The following PHLDB1 variants were observed in gnomAD, a reference collection of about 807,000 sequenced individuals.
The protein encoded by PHLDB1 is pleckstrin homology-like domain family B member 1.
PHLDB1 carries 65 observed loss-of-function variants against 139.3 expected under a neutral mutation model. The ratio of observed to expected loss-of-function variants is 0.47; its 90% CI spans 0.38 to 0.57. The LOEUF (loss-of-function observed/expected upper bound fraction) is 0.57. Ranked by LOEUF, PHLDB1 falls within the 20% of genes least tolerant of loss-of-function variation. The pLI, the probability that PHLDB1 is intolerant of heterozygous loss-of-function variation, is 0.00. For synonymous variants in PHLDB1, 679 were observed against 734.5 expected, an observed-to-expected ratio of 0.92 and a Z score of 1.22; for missense variants, 1,624 against 1,839.7, an observed-to-expected ratio of 0.88 and a Z score of 2.14.
At chr11:118,627,102 C>G in intron 5 of PHLDB1, 1 of 588,962 alleles carries the variant, frequency 1.7e-6, no homozygotes, top group Non-Finnish European at 3.0e-6. Context: ...CCTTCCTTTA[C>G]AGAAGGAGAA....
intron 12 of PHLDB1, 32 bp from the exon 13 acceptor site, chr11:118,642,221 GT>G (rs782236236): frequency 9.4e-6 from 15 of 1,597,472 alleles, no homozygotes; most frequent in Non-Finnish European, 1.2e-5. Context: ...CTCCCCTCCT[GT>G]CCCCTTTTCC....
Position 118,645,194 on chromosome 11 carries a change from C to A in PHLDB1, c.3122-162C>A. 1.9e-6 allele frequency: 1 copy of A among 519,572 alleles called. No individual in the cohort carries two copies. Among genetic ancestry groups the A allele is most frequent in the Non-Finnish European group, 3.3e-6 (1 of 301,860 alleles). 32.2% of individuals were successfully genotyped at this position (519,572 alleles called of 1,614,324 possible). ...GCGACTGAAGCATTGGCAGAGCAGCCAGGCCTGGAGCTGCAGGGGCCTTAG... is the reference window on the plus strand; with the variant it reads ...GCGACTGAAGCATTGGCAGAGCAGCAAGGCCTGGAGCTGCAGGGGCCTTAG... On this transcript the variant is annotated intron_variant, in intron 15 of 22. Transcript: ENST00000600882. This position sits in a 1 kb window ranked among gnomAD's most constrained non-coding sequence, Gnocchi z 5.1.
At chr11:118,631,773 T>G in intron 7 of PHLDB1, 140 bp from the exon 8 acceptor site, 1 of 1,009,832 alleles carries the variant, frequency 9.9e-7, no homozygotes, top group Non-Finnish European at 1.4e-6. Context: ...AGGTGGGGGT[T>G]GCGGGGGGGC....
At chr11:118,612,212 G>A (rs111255098) in intron 1 of PHLDB1, among the ~76,000 whole-genome samples, 12 of 152,106 alleles carry the variant, frequency 7.9e-5, no homozygotes, top group African/African-American at 2.9e-4. Flanking sequence ...TAAATAACTT[G>A]TCTAGGATCT....
Position 118,643,948 on chromosome 11 carries a change from G to A in PHLDB1, c.3018+8G>A. The A allele has an allele frequency of 6.3e-7, 1 of 1,594,250 alleles. No individual in the cohort carries two copies. The highest frequency in any genetic ancestry group is 8.5e-7 in the Non-Finnish European group (1 of 1,170,220). On this transcript the variant is annotated splice_region_variant and intron_variant, in intron 14 of 22. Coordinates refer to ENST00000600882, the MANE Select transcript of PHLDB1 (RefSeq NM_001144758.3). ...CGTAGCCCCTCCCCAAAGGTCTGAG[G>A]ACAGTGGGTGGGGCTGCACATGTGG... is the stretch of plus-strand genomic sequence containing the variant.
intron 10 of PHLDB1, chr11:118,637,628 G>A (rs1014346671): frequency 2.0e-4 from 31 of 152,192 alleles, no homozygotes; most frequent in African/African-American, 7.2e-4. Context: ...TTACAGGCAT[G>A]AGCCACAGCG....
rs148430889 is a variant in PHLDB1, at chr11:118,638,443, A to G, written c.2536-448A>G. ...AATTCAGATAAGCAAACAAACCTCAAAGTCATCTTAGGAAGATATTTGTGA... is the reference window on the plus strand; with the variant it reads ...AATTCAGATAAGCAAACAAACCTCAGAGTCATCTTAGGAAGATATTTGTGA... On this transcript the variant is annotated intron_variant, in intron 10 of 22. Coordinates refer to ENST00000600882, the MANE Select transcript of PHLDB1 (RefSeq NM_001144758.3). Among the ~76,000 whole-genome samples, 115 of 152,378 alleles carry G rather than the reference A, an allele frequency of 7.5e-4. 1 individual carries two copies. In the East Asian group the frequency reaches 0.021, roughly 27 times the overall value.
chr11:118,642,446 T>G lies in PHLDB1; in HGVS notation c.2877+52T>G, dbSNP rs369695826. ...CCCCAGCCTTTGCACCTGTCCACTC[T>G]GATACCTCCTGCCAATCCATCAGCC... On this transcript the variant is annotated intron_variant, in intron 13 of 22. Coordinates refer to ENST00000600882, the MANE Select transcript of PHLDB1 (RefSeq NM_001144758.3). The G allele has an allele frequency of 2.6e-6, 4 of 1,565,708 alleles. No homozygotes were observed. The African/African-American group carries it at 5.4e-5, about 21-fold the overall frequency.
At chr11:118,613,417 T>C (rs1274096765) in intron 1 of PHLDB1, 6 of 992,778 alleles carry the variant, frequency 6.0e-6, no homozygotes, top group African/African-American at 1.7e-5. Context: ...ACCAGTGTCC[T>C]TGGAGGGGCT....
Position 118,650,071 on chromosome 11 carries a change from T to C in PHLDB1, c.3655-6T>C. 6.2e-7 allele frequency: 1 copy of C among 1,609,612 alleles called. No homozygotes were observed. The highest frequency in any genetic ancestry group is 1.7e-5 in the Admixed American group (1 of 60,012). On this transcript the variant is annotated splice_region_variant and splice_polypyrimidine_tract_variant and intron_variant, in intron 18 of 22. Coordinates refer to ENST00000600882, the MANE Select transcript of PHLDB1 (RefSeq NM_001144758.3). This position sits in a 1 kb window ranked among gnomAD's most constrained non-coding sequence, Gnocchi z 4.7. ...AGACTCTCCTGACCCTCCCTCTTGC[T>C]CCCAGGCACGACCCCTGACCCGCTA...
chr11:118,645,496 C>A lies in PHLDB1; in HGVS notation c.3262C>A (p.His1088Asn), dbSNP rs936035919. The A allele has an allele frequency of 9.9e-6, 16 of 1,612,216 alleles. No homozygotes were observed. The highest frequency in any genetic ancestry group is 1.3e-5 in the Non-Finnish European group (15 of 1,179,196). Residue 1088 changes from histidine (H) to asparagine (N), a missense_variant, in exon 16 of 23, where the codon CAC becomes AAC. By Grantham distance (68) the His-to-Asn change is moderately conservative. Transcript: ENST00000600882. The surrounding 1 kb of genome is among the most constrained non-coding windows in gnomAD (Gnocchi z 5.1). ...AGPSGFPPLM[H>N]HSILHHLPAG... ...CCCCTCGGGCTTCCCCCCTCTCATG[C>A]ACCACTCTATCCTACACCACCTGCC...
rs138358096 is a variant in PHLDB1, at chr11:118,628,569, C to A, written c.1746C>A (p.Ile582=). ...TRERKNSITE[I]SDNEDDLLEY... ...AGCGGAAAAATAGCATCACAGAGAT[C>A]AGTGACAATGAGGACGACCTCCTGG... Residue 582 remains isoleucine, a synonymous_variant, in exon 6 of 23, where the codon ATC becomes ATA. Transcript: ENST00000600882. The A allele has an allele frequency of 9.9e-6, 16 of 1,613,164 alleles. No homozygotes were observed. The African/African-American group carries it at 1.6e-4, about 16-fold the overall frequency.
At position 118,627,379 on chromosome 11, in the gene PHLDB1, C is replaced by G. The variant is rs782359369; in HGVS notation, c.556C>G (p.His186Asp). Reference protein sequence around the residue: ...ATRGPSACASHSSLVSSIEKD... With the variant: ...ATRGPSACASDSSLVSSIEKD... ...ACGGGGACCCTCTGCCTGTGCCAGC[C>G]ACAGTTCCCTGGTGAGCTCTATTGA... Residue 186 changes from histidine to aspartate, a missense_variant, in exon 6 of 23, where the codon CAC (histidine) becomes GAC (aspartate). Transcript: ENST00000600882. 1 of 1,614,116 alleles carries G rather than the reference C, an allele frequency of 6.2e-7. No individual in the cohort carries two copies. The highest frequency in any genetic ancestry group is 1.1e-5 in the South Asian group (1 of 91,068).
chr11:118,644,063 C>A lies in PHLDB1; in HGVS notation c.3019-9C>A. 6.2e-7 allele frequency: 1 copy of A among 1,612,936 alleles called. No homozygotes were observed. The highest frequency in any genetic ancestry group is 8.5e-7 in the Non-Finnish European group (1 of 1,179,146). On this transcript the variant is annotated splice_polypyrimidine_tract_variant and intron_variant, in intron 14 of 22. Coordinates refer to ENST00000600882, the MANE Select transcript of PHLDB1 (RefSeq NM_001144758.3). ...TGAGCCCAGGTCCGAACTCTCCATT[C>A]CTCTGCAGAGCGCTCTACTCACCCA...
At position 118,650,543 on chromosome 11, in the gene PHLDB1, T is replaced by C; in HGVS notation, c.3870T>C (p.Tyr1290=). The C allele has an allele frequency of 6.2e-7, 1 of 1,609,824 alleles. No individual in the cohort carries two copies. Among genetic ancestry groups the C allele is most frequent in the East Asian group, 2.2e-5 (1 of 44,860 alleles). Residue 1290 remains tyrosine (Y), a synonymous_variant, in exon 20 of 23, where the codon TAT becomes TAC. Transcript: ENST00000600882. This position sits in a 1 kb window ranked among gnomAD's most constrained non-coding sequence, Gnocchi z 4.7. ...FDRLKRTLSY[Y]VDKHETKLKG... The stretch of plus-strand genomic sequence containing the variant: ...GGCTCAAGCGCACCCTTTCCTATTA[T>C]GTGGGTGAGTTCCCACAAGGCCACC...
At position 118,628,473 on chromosome 11, in the gene PHLDB1, T is replaced by A; in HGVS notation, c.1650T>A (p.Ala550=). ...PAYSLGSLTG[A]SPCQSPCVQR... ...ACAGTCTGGGCTCTCTTACTGGGGC[T>A]TCACCCTGCCAGAGTCCCTGTGTCC... Residue 550 remains alanine (A), a synonymous_variant, in exon 6 of 23, where the codon GCT becomes GCA. Transcript: ENST00000600882. The A allele has an allele frequency of 6.2e-7, 1 of 1,612,926 alleles. No homozygotes were observed. The highest frequency in any genetic ancestry group is 8.5e-7 in the Non-Finnish European group (1 of 1,179,898).
In PHLDB1 at chr11:118,630,118, C is replaced by T. The variant is rs144815759; in HGVS notation, c.1828-1089C>T. On this transcript the variant is annotated intron_variant, in intron 6 of 22. Transcript: ENST00000600882. Reference sequence around the variant, plus strand: ...GAGAACACCTCTCCAGCCTTCTCTCCACTTCCTGCGGTTTGGGTTCATGGC... The same window carrying T: ...GAGAACACCTCTCCAGCCTTCTCTCTACTTCCTGCGGTTTGGGTTCATGGC... The T allele has an allele frequency of 7.0e-4, 851 of 1,219,586 alleles. 7 individuals carry two copies. In the African/African-American group the frequency reaches 8.6e-3, roughly 12 times the overall value. The allele number at this position is 1,219,586 out of a possible 1,614,324, so 75.5% of individuals were successfully genotyped here.
At chr11:118,621,152 C>G (rs1942689190) in intron 4 of PHLDB1, among the ~76,000 whole-genome samples, 2 of 152,284 alleles carry the variant, frequency 1.3e-5, no homozygotes, top group African/African-American at 4.8e-5. Context: ...ACTTACCTCT[C>G]ACCTTTCCTT....
rs144687854 is a variant in PHLDB1 at position 118,657,225 on chromosome 11, G to A, written c.*402G>A. The stretch of plus-strand genomic sequence containing the variant: ...AGTGGGGTAATAGCTCAGGCGGCCC[G>A]CTTCCCATTTCTCAAACCCCGCTCT... On this transcript the variant is annotated 3_prime_UTR_variant, in exon 23 of 23. Transcript: ENST00000600882. 3.7e-3 allele frequency: 609 copies of A among 163,102 alleles called. 6 individuals are homozygous for A. The highest frequency in any genetic ancestry group is 0.014 in the African/African-American group (572 of 41,798). 10.1% of individuals were successfully genotyped at this position (163,102 alleles called of 1,614,324 possible).
Sources: gnomAD v4.1 joint callset for allele counts (sites outside exome capture counted in the v4.1 genomes callset) on GRCh38, gnomAD v4.1.1 for gene constraint, Gnocchi (gnomAD v3.1) non-coding constraint, MANE v1.5 for transcripts, NCBI Gene and HGNC (gene_info 2026-07-23, HGNC 2026-07-21) for gene names.